Variants in KSR2 observed in about 807,000 individuals in gnomAD.
The protein encoded by KSR2 is kinase suppressor of ras 2.
A neutral mutation model predicts 107.8 loss-of-function variants in KSR2; 25 were observed. That is an observed-to-expected ratio of 0.23 (90% CI 0.17 to 0.32). The LOEUF is 0.32. Ranked by LOEUF, KSR2 falls within the 10% of genes least tolerant of loss-of-function variation. The pLI is 1.00. For missense variants in KSR2, 887 were observed against 1,268.9 expected (o/e 0.70, Z 4.57); for synonymous variants, 480 against 507.0 (o/e 0.95, Z 0.71).
At chr12:117,943,355 T>C (rs1896067920) in intron 1 of KSR2, among the ~76,000 whole-genome samples, 1 of 152,062 alleles carries the variant, frequency 6.6e-6, no homozygotes, top group South Asian at 2.1e-4. Context: ...TCCTGGGAAT[T>C]GTCACATTGA....
At chr12:117,868,495 C>G (rs551469687) in intron 1 of KSR2, among the ~76,000 whole-genome samples, 100 of 152,004 alleles carry the variant, frequency 6.6e-4, no homozygotes, top group African/African-American at 1.8e-3. Flanking sequence ...CCCCATGTGC[C>G]AGGCCCATGC....
At chr12:117,835,279 C>G (rs760559053) in intron 3 of KSR2, among the ~76,000 whole-genome samples, 5 of 152,054 alleles carry the variant, frequency 3.3e-5, no homozygotes, top group Non-Finnish European at 4.4e-5. Flanking sequence ...TAACAAGGTC[C>G]CTGGGGAGAC....
At chr12:117,572,720 A>T (rs1878976787) in intron 7 of KSR2, among the ~76,000 whole-genome samples, 1 of 151,516 alleles carries the variant, frequency 6.6e-6, no homozygotes, top group Non-Finnish European at 1.5e-5. Flanking sequence ...AAAAAAAGAG[A>T]AAAGAAAAAG....
chr12:117,912,120 G>A lies in KSR2; in HGVS notation c.181-51689C>T, dbSNP rs116026986. ...AGGAAACTCAAAGAATGAAAGTGGC[G>A]TAGGGCTCTCTCAACCTCTAAGAGG... On this transcript the variant is annotated intron_variant, in intron 1 of 19. Coordinates refer to ENST00000339824, the MANE Select transcript of KSR2 (RefSeq NM_173598.6). Among the ~76,000 whole-genome samples the A allele has an allele frequency of 4.2e-3, 637 of 152,340 alleles. 8 individuals carry two copies. Among genetic ancestry groups the A allele is most frequent in the African/African-American group, 0.015 (608 of 41,572 alleles).
At chr12:117,835,309 ATG>A (rs1892157225) in intron 3 of KSR2, among the ~76,000 whole-genome samples, 1 of 152,122 alleles carries the variant, frequency 6.6e-6, no homozygotes, top group Non-Finnish European at 1.5e-5. Flanking sequence ...TGGTGCATGT[ATG>A]TGTGTGCATG....
intron 1 of KSR2, among the ~76,000 whole-genome samples, 188 bp from the exon 2 acceptor site, chr12:117,860,619 G>A (rs982851221): frequency 8.5e-5 from 13 of 152,302 alleles, no homozygotes; most frequent in African/African-American, 2.9e-4. Flanking sequence ...TCAAACAGGC[G>A]GCTCTAGCAT....
intron 10 of KSR2, among the ~76,000 whole-genome samples, chr12:117,536,291 A>T (rs759917375): frequency 5.3e-5 from 8 of 152,194 alleles, no homozygotes; most frequent in Non-Finnish European, 1.0e-4. Context: ...CCCAGTCAAG[A>T]GTGGGACAGC....
chr12:117,559,976 T>C (rs1053994264), intron 7 of KSR2, among the ~76,000 whole-genome samples: 4 of 152,182 alleles, frequency 2.6e-5, no homozygotes, highest in African/African-American at 9.7e-5. Context: ...AATAGACGTA[T>C]ACATTAAACT....
At chr12:117,766,168 G>T (rs74852773) in intron 3 of KSR2, among the ~76,000 whole-genome samples, 1 of 152,138 alleles carries the variant, frequency 6.6e-6, no homozygotes, top group Non-Finnish European at 1.5e-5. Flanking sequence ...ATCAACTAAG[G>T]AATGGATAAA....
chr12:117,904,396 A>G (rs1003173159), intron 1 of KSR2, among the ~76,000 whole-genome samples: 1 of 152,220 alleles, frequency 6.6e-6, no homozygotes, highest in Non-Finnish European at 1.5e-5. Context: ...AACCAGGTGG[A>G]GATTGGCATT....
chr12:117,749,620 C>T (rs976071371), intron 4 of KSR2, among the ~76,000 whole-genome samples: 4 of 152,140 alleles, frequency 2.6e-5, no homozygotes, highest in Non-Finnish European at 4.4e-5. Flanking sequence ...GCTAATTTTC[C>T]ATTGTGGAAC....
At chr12:117,536,078 T>A (rs1391577120) in intron 10 of KSR2, among the ~76,000 whole-genome samples, 2 of 152,164 alleles carry the variant, frequency 1.3e-5, no homozygotes, top group Non-Finnish European at 2.9e-5. Context: ...GGGGTTCTTA[T>A]ATCCTTTTCA....
At chr12:117,888,874 G>A (rs957322239) in intron 1 of KSR2, among the ~76,000 whole-genome samples, 6 of 152,166 alleles carry the variant, frequency 3.9e-5, no homozygotes, top group Admixed American at 1.3e-4. Flanking sequence ...TCATTTTGGG[G>A]TGATGAAAAA....
intron 1 of KSR2, among the ~76,000 whole-genome samples, chr12:117,891,347 C>T (rs1474556147): frequency 6.6e-6 from 1 of 151,112 alleles, no homozygotes; most frequent in Non-Finnish European, 1.5e-5. Flanking sequence ...ACCCAGGAGG[C>T]AGAGGTTACA....
chr12:117,726,076 G>A (rs1417870956), intron 4 of KSR2, among the ~76,000 whole-genome samples: 1 of 152,142 alleles, frequency 6.6e-6, no homozygotes, highest in Non-Finnish European at 1.5e-5. Flanking sequence ...GCTGAGGCAG[G>A]AGAATCGCTT....
intron 4 of KSR2, among the ~76,000 whole-genome samples, chr12:117,702,234 A>T (rs1439550950): frequency 6.6e-6 from 1 of 152,198 alleles, no homozygotes; most frequent in Non-Finnish European, 1.5e-5. Flanking sequence ...ATTCCCTGTT[A>T]CAGGCCCTCC....
At chr12:117,470,146 T>C (rs149554821) in intron 18 of KSR2, among the ~76,000 whole-genome samples, 131 of 147,468 alleles carry the variant, frequency 8.9e-4, no homozygotes, top group African/African-American at 3.1e-3. Context: ...TGCATCTATA[T>C]ATCCACCCAT....
chr12:117,622,881 G>T (rs1882266257), intron 5 of KSR2, among the ~76,000 whole-genome samples: 2 of 152,170 alleles, frequency 1.3e-5, no homozygotes, highest in African/African-American at 4.8e-5. Flanking sequence ...CATGAATACT[G>T]CCCTCTTGGA....
intron 9 of KSR2, among the ~76,000 whole-genome samples, chr12:117,543,638 G>C (rs372296813): frequency 3.3e-5 from 5 of 152,136 alleles, no homozygotes; most frequent in Admixed American, 1.3e-4. Flanking sequence ...TTTGAGAACT[G>C]ACTTCTTAAC....
Sources: gnomAD v4.1 joint callset for allele counts (sites outside exome capture counted in the v4.1 genomes callset) on GRCh38, gnomAD v4.1.1 for gene constraint, MANE v1.5 for transcripts, NCBI Gene and HGNC (gene_info 2026-07-23, HGNC 2026-07-21) for gene names.